Variants in GHR observed in about 807,000 individuals in gnomAD.
The protein encoded by GHR is GH receptor.
Under a neutral mutation model 67.1 loss-of-function variants are expected in GHR, and 35 were observed. The ratio of observed to expected loss-of-function variants is 0.52; its 90% CI spans 0.40 to 0.69. GHR has a LOEUF of 0.69. GHR is among the 30% of genes least tolerant of loss of function. The probability of loss-of-function intolerance (pLI) is 0.00; values close to 1 mark genes in which losing one functional copy is unlikely to be tolerated. For missense variants in GHR, 792 were observed against 764.6 expected (o/e 1.04, Z -0.42); for synonymous variants, 272 against 269.1 (o/e 1.01, Z -0.10).
intron 1 of GHR, among the ~76,000 whole-genome samples, chr5:42,526,019 C>T (rs1382952528): frequency 2.0e-5 from 3 of 152,134 alleles, no homozygotes; most frequent in Non-Finnish European, 4.4e-5. Flanking sequence ...GGAAAAGTCA[C>T]ATGTCTCTCA....
intron 1 of GHR, among the ~76,000 whole-genome samples, chr5:42,544,051 C>G (rs1236219906): frequency 3.3e-5 from 5 of 152,104 alleles, no homozygotes; most frequent in African/African-American, 2.4e-5. Flanking sequence ...CGTACCTTAT[C>G]AGGCAGCAGG....
At chr5:42,608,724 A>G (rs999512971) in intron 2 of GHR, among the ~76,000 whole-genome samples, 4 of 152,304 alleles carry the variant, frequency 2.6e-5, no homozygotes, top group Middle Eastern at 3.4e-3. Flanking sequence ...AAGTTATTTT[A>G]TGTAAAGAAA....
At chr5:42,619,505 T>G (rs1261942442) in intron 2 of GHR, 1 of 152,220 alleles carries the variant, frequency 6.6e-6, no homozygotes, top group Non-Finnish European at 1.5e-5. Context: ...CCTTATGTGT[T>G]CATCCCCGTA....
At chr5:42,563,161 T>G (rs1049713009) in intron 1 of GHR, among the ~76,000 whole-genome samples, 1 of 152,164 alleles carries the variant, frequency 6.6e-6, no homozygotes, top group Admixed American at 6.5e-5. Context: ...CTTGCTCAGA[T>G]GGGAAGCAGA....
At chr5:42,450,467 C>T (rs1117110) in intron 1 of GHR, among the ~76,000 whole-genome samples, 32,977 of 152,040 alleles carry the variant, frequency 0.22, 3,915 homozygotes, top group African/African-American at 0.29. Flanking sequence ...ATATCGGTTG[C>T]AATATCTCGT....
intron 1 of GHR, among the ~76,000 whole-genome samples, chr5:42,520,222 A>T (rs940207233): frequency 2.6e-5 from 4 of 152,182 alleles, no homozygotes; most frequent in African/African-American, 9.7e-5. Flanking sequence ...GCAGGAAGTC[A>T]CACATAGGTT....
intron 2 of GHR, among the ~76,000 whole-genome samples, chr5:42,590,805 GAAC>G (rs1262306265): frequency 6.6e-6 from 1 of 152,174 alleles, no homozygotes; most frequent in East Asian, 1.9e-4. Flanking sequence ...TGTGTCCCTA[GAAC>G]TGGTGAGGCT....
intron 1 of GHR, among the ~76,000 whole-genome samples, chr5:42,488,019 G>A (rs1445646953): frequency 2.0e-5 from 3 of 151,934 alleles, no homozygotes; most frequent in African/African-American, 7.3e-5. Flanking sequence ...TTTTGCTCTT[G>A]CCTCCCACTG....
intron 1 of GHR, among the ~76,000 whole-genome samples, chr5:42,477,058 G>A (rs538939306): frequency 2.5e-5 from 3 of 118,004 alleles, no homozygotes; most frequent in African/African-American, 1.0e-4. Flanking sequence ...ACAGTCCCCA[G>A]TGTGTGATGT....
chr5:42,572,200 C>G (rs1160123895), intron 2 of GHR, among the ~76,000 whole-genome samples: 1 of 152,116 alleles, frequency 6.6e-6, no homozygotes, highest in Non-Finnish European at 1.5e-5. Context: ...GTAGGCAGGC[C>G]AGGGTCATCA....
intron 3 of GHR, among the ~76,000 whole-genome samples, chr5:42,647,102 G>C (rs1337351328): frequency 6.6e-6 from 1 of 152,098 alleles, no homozygotes; most frequent in Non-Finnish European, 1.5e-5. Context: ...TATAATTATA[G>C]TATGTGGGTG....
intron 6 of GHR, among the ~76,000 whole-genome samples, chr5:42,707,536 T>C (rs1051256533): frequency 1.3e-5 from 2 of 151,510 alleles, no homozygotes; most frequent in African/African-American, 2.4e-5. Context: ...AATGTGTAGA[T>C]TGGCTTGGGC....
chr5:42,660,639 G>C (rs1306225454), intron 3 of GHR, among the ~76,000 whole-genome samples: 3 of 152,230 alleles, frequency 2.0e-5, no homozygotes, highest in African/African-American at 7.2e-5. Context: ...ACCAAAAGTA[G>C]ATAAAACCAC....
At chr5:42,576,600 C>A (rs534405246) in intron 2 of GHR, among the ~76,000 whole-genome samples, 2 of 152,018 alleles carry the variant, frequency 1.3e-5, no homozygotes, top group Non-Finnish European at 2.9e-5. Context: ...CTAAAAGAAG[C>A]GGTTTATTTG....
At chr5:42,527,422 G>A (rs1248616925) in intron 1 of GHR, among the ~76,000 whole-genome samples, 1 of 152,096 alleles carries the variant, frequency 6.6e-6, no homozygotes, top group Non-Finnish European at 1.5e-5. Context: ...CCTAATTTCA[G>A]ACAAACAGAC....
chr5:42,638,227 A>ATAG (rs1241258397), intron 3 of GHR, among the ~76,000 whole-genome samples: 2 of 151,938 alleles, frequency 1.3e-5, no homozygotes, highest in African/African-American at 4.8e-5. Context: ...TCAGTATAAT[A>ATAG]TAGTATTTTA....
At chr5:42,680,084 A>C (rs895004983) in intron 3 of GHR, among the ~76,000 whole-genome samples, 1 of 152,256 alleles carries the variant, frequency 6.6e-6, no homozygotes, top group Non-Finnish European at 1.5e-5. Flanking sequence ...AGTCACACAA[A>C]GATTTTACCC....
intron 1 of GHR, among the ~76,000 whole-genome samples, chr5:42,491,126 G>A (rs1746096455): frequency 6.6e-6 from 1 of 152,206 alleles, no homozygotes; most frequent in African/African-American, 2.4e-5. Context: ...CTTCTACAGA[G>A]TTGGATATGT....
chr5:42,501,993 C>T (rs1176131725), intron 1 of GHR, among the ~76,000 whole-genome samples: 1 of 152,140 alleles, frequency 6.6e-6, no homozygotes, highest in Non-Finnish European at 1.5e-5. Flanking sequence ...ATCATCCAGC[C>T]CATTCATATC....
Sources: allele counts gnomAD v4.1 joint callset (sites outside exome capture counted in the v4.1 genomes callset), GRCh38; gene constraint gnomAD v4.1.1; transcripts MANE v1.5; gene names NCBI Gene and HGNC (gene_info 2026-07-23, HGNC 2026-07-21).